CUL3: variants seen among roughly 807,000 people sequenced by gnomAD.
CUL3 encodes the protein cullin-3.
A neutral mutation model predicts 89.1 loss-of-function variants in CUL3; 19 were observed. That is an observed-to-expected ratio of 0.21 (90% CI 0.15 to 0.31). CUL3 has a LOEUF of 0.31. CUL3 is among the 10% of genes least tolerant of loss of function. The pLI, the probability that CUL3 is intolerant of heterozygous loss-of-function variation, is 1.00. For synonymous variants in CUL3, 351 were observed against 308.4 expected (o/e 1.14, Z -1.45); for missense variants, 469 against 942.3 (o/e 0.50, Z 6.58).
chr2:224,535,006 AAATAAATAAAT>A (rs1693832867), intron 3 of CUL3, among the ~76,000 whole-genome samples: 1 of 12,996 alleles, frequency 7.7e-5, no homozygotes, highest in East Asian at 0.013. Context: ...GTCTCAAAAT[AAATAAATAAAT>A]AAATAAATAA....
intron 13 of CUL3, among the ~76,000 whole-genome samples, chr2:224,489,281 T>G (rs1409030110): frequency 1.3e-5 from 2 of 152,018 alleles, no homozygotes; most frequent in African/African-American, 2.4e-5. Context: ...CAGAAAGAAA[T>G]AAAGTATTCA....
chr2:224,477,157 T>C (rs1574607988), intron 15 of CUL3, among the ~76,000 whole-genome samples: 1 of 152,204 alleles, frequency 6.6e-6, no homozygotes, highest in East Asian at 1.9e-4. Flanking sequence ...TCTAAAGCAG[T>C]GTTCTCAAAT....
At chr2:224,518,084 C>A (rs547225255) in intron 3 of CUL3, among the ~76,000 whole-genome samples, 1 of 152,180 alleles carries the variant, frequency 6.6e-6, no homozygotes, top group African/African-American at 2.4e-5. Context: ...GGAAAAGTAG[C>A]CTAACAGTAG....
At chr2:224,558,607 A>G (rs1167796000) in intron 1 of CUL3, among the ~76,000 whole-genome samples, 6 of 152,208 alleles carry the variant, frequency 3.9e-5, no homozygotes, top group Admixed American at 2.6e-4. Flanking sequence ...ACACCTAGGA[A>G]CTTGTTAGAA....
chr2:224,585,353 A>ACGT lies in CUL3; in HGVS notation c.-347_-345dup, dbSNP rs1413539825. 7.4e-4 allele frequency: 295 copies of ACGT among 400,148 alleles called. 1 individual carries two copies. The Admixed American group carries it at 0.011, about 15-fold the overall frequency. 24.8% of individuals were successfully genotyped at this position (400,148 alleles called of 1,614,324 possible). ...ACAAACATCTCACTGCGCAGGCCGAACGTCGTCCTCCTCCTCCTCCTTCTC... is the reference window on the plus strand; with the variant it reads ...ACAAACATCTCACTGCGCAGGCCGAACGTCGTCGTCCTCCTCCTCCTCCTTCTC... On this transcript the variant is annotated 5_prime_UTR_variant, in exon 1 of 16. Coordinates refer to ENST00000264414, the MANE Select transcript of CUL3 (RefSeq NM_003590.5).
At chr2:224,493,544 T>C (rs1692062108) in intron 13 of CUL3, among the ~76,000 whole-genome samples, 1 of 152,230 alleles carries the variant, frequency 6.6e-6, no homozygotes, top group African/African-American at 2.4e-5. Flanking sequence ...CTTACAGATA[T>C]TCTCTACTTA....
intron 1 of CUL3, among the ~76,000 whole-genome samples, chr2:224,569,254 A>G (rs1695121078): frequency 6.6e-6 from 1 of 152,190 alleles, no homozygotes; most frequent in Non-Finnish European, 1.5e-5. Context: ...TAAACTGCAC[A>G]CACATTTATC....
intron 3 of CUL3, among the ~76,000 whole-genome samples, chr2:224,522,090 G>C (rs1000557342): frequency 1.2e-4 from 18 of 147,256 alleles, no homozygotes; most frequent in African/African-American, 4.2e-4. Flanking sequence ...AAAAAAAGAG[G>C]CAAATAACTC....
At chr2:224,553,095 G>A (rs1446094766) in intron 2 of CUL3, among the ~76,000 whole-genome samples, 4 of 152,030 alleles carry the variant, frequency 2.6e-5, no homozygotes, top group African/African-American at 9.7e-5. Context: ...CATGTCAGAG[G>A]TCCTACCTTA....
chr2:224,536,717 CA>C (rs1693913546), intron 2 of CUL3, among the ~76,000 whole-genome samples: 1 of 152,200 alleles, frequency 6.6e-6, no homozygotes, highest in Non-Finnish European at 1.5e-5. Context: ...TTCAAGACTT[CA>C]AAAATTCCTT....
At chr2:224,544,800 C>T (rs552497017) in intron 2 of CUL3, among the ~76,000 whole-genome samples, 2 of 150,724 alleles carry the variant, frequency 1.3e-5, no homozygotes, top group Non-Finnish European at 3.0e-5. Context: ...GTATAGAGGA[C>T]AGCTGACAGA....
At position 224,471,673 on chromosome 2, in the gene CUL3, C is replaced by T. The variant is rs1691136027; in HGVS notation, c.*2572G>A. 4.6e-6 allele frequency: 1 copy of T among 218,468 alleles called. No homozygotes were observed. Among genetic ancestry groups the T allele is most frequent in the East Asian group, 6.7e-5 (1 of 14,818 alleles). 13.5% of individuals were successfully genotyped at this position (218,468 alleles called of 1,614,324 possible). A position where few individuals can be genotyped will look rare whatever the true frequency, so the allele number is the denominator to read the frequency against. ...TTTAAGTTCACTGACATAAAGAATC[C>T]TTGCAATCACAACCACTTTTTGTGA... is the stretch of plus-strand genomic sequence containing the variant. On this transcript the variant is annotated 3_prime_UTR_variant, in exon 16 of 16. Transcript: ENST00000264414.
chr2:224,497,688 A>G (rs1294921511), intron 12 of CUL3, 65 bp downstream of exon 12: 1 of 1,212,690 alleles, frequency 8.2e-7, no homozygotes, highest in Non-Finnish European at 1.2e-6. Context: ...GTCAACATAA[A>G]TCACACATCA....
Position 224,571,602 on chromosome 2 carries a change from C to G in CUL3, c.66+13342G>C, listed in dbSNP as rs543466532. Among the ~76,000 whole-genome samples the G allele has an allele frequency of 5.9e-4, 90 of 152,178 alleles. 2 individuals carry two copies. The highest frequency in any genetic ancestry group is 2.0e-3 in the African/African-American group (84 of 41,514). Reference sequence around the variant, plus strand: ...AAAGGTCTATGACACAAAATTGTTACAAAAATCTGCTATAAGTCTGTTTAA... The same window carrying G: ...AAAGGTCTATGACACAAAATTGTTAGAAAAATCTGCTATAAGTCTGTTTAA... On this transcript the variant is annotated intron_variant, in intron 1 of 15. Coordinates refer to ENST00000264414, the MANE Select transcript of CUL3 (RefSeq NM_003590.5).
In CUL3 at chr2:224,503,688, A is replaced by G; in HGVS notation, c.1341T>C (p.Ser447=). ...ARRLLTNKSV[S]DDSEKNMISK... is the part of the protein sequence containing the mutation. ...ATATCATGTTTTTTTCAGAGTCATC[A>G]GAAACACTTTTATTTGTGAGAAGTC... is the stretch of plus-strand genomic sequence containing the variant. The change falls in exon 9 of 16, where the codon TCT becomes TCC. Residue 447 remains serine, a synonymous_variant. Coordinates refer to ENST00000264414, the MANE Select transcript of CUL3 (RefSeq NM_003590.5). 1.3e-6 allele frequency: 2 copies of G among 1,599,388 alleles called. No homozygotes were observed. The highest frequency in any genetic ancestry group is 1.7e-6 in the Non-Finnish European group (2 of 1,175,872).
chr2:224,526,308 G>C (rs1693470651), intron 3 of CUL3, among the ~76,000 whole-genome samples: 1 of 152,130 alleles, frequency 6.6e-6, no homozygotes, highest in Admixed American at 6.5e-5. Flanking sequence ...TTTCCGGGCT[G>C]GGCGCTGTGG....
At chr2:224,533,895 C>G (rs952654363) in intron 3 of CUL3, among the ~76,000 whole-genome samples, 1 of 152,108 alleles carries the variant, frequency 6.6e-6, no homozygotes, top group Non-Finnish European at 1.5e-5. Flanking sequence ...GGGTAATAGG[C>G]CTGACTGAAT....
At chr2:224,475,841 A>G (rs1483748634) in intron 15 of CUL3, among the ~76,000 whole-genome samples, 1 of 152,104 alleles carries the variant, frequency 6.6e-6, no homozygotes, top group African/African-American at 2.4e-5. Flanking sequence ...GATTAAACCT[A>G]TATTCTATAT....
chr2:224,560,104 G>A (rs368372184), intron 1 of CUL3, among the ~76,000 whole-genome samples: 2 of 152,120 alleles, frequency 1.3e-5, no homozygotes, highest in Admixed American at 1.3e-4. Context: ...AGAAAAAAAA[G>A]AAACAAATTC....
Sources: allele counts gnomAD v4.1 joint callset (sites outside exome capture counted in the v4.1 genomes callset), GRCh38; gene constraint gnomAD v4.1.1; transcripts MANE v1.5; gene names NCBI Gene and HGNC (gene_info 2026-07-23, HGNC 2026-07-21).